Variants in XG observed in about 807,000 individuals in gnomAD.
XG encodes the protein glycoprotein Xg.
In XG, 24 loss-of-function variants were observed where a neutral mutation model predicts 25.7. The ratio of observed to expected loss-of-function variants is 0.93; its 90% CI spans 0.68 to 1.31. The LOEUF is 1.31. XG is among the 40% of genes most tolerant of loss of function. The pLI, the probability that XG is intolerant of heterozygous loss-of-function variation, is 0.00. For missense variants in XG, 181 were observed against 187.6 expected, an observed-to-expected ratio of 0.96 and a Z score of 0.21; for synonymous variants, 77 against 69.2, an observed-to-expected ratio of 1.11 and a Z score of -0.56.
chrX:2,770,419 T>A, intron 1 of XG, 131 bp from the exon 2 acceptor site: 1 of 901,732 alleles, frequency 1.1e-6, no homozygotes, highest in East Asian at 2.4e-5. Context: ...ATGTAGCTCA[T>A]GGTCAGGTTA....
intron 4 of XG, among the ~76,000 whole-genome samples, chrX:2,787,888 CA>C (rs1254002807): frequency 1.6e-4 from 13 of 81,338 alleles, no homozygotes; most frequent in African/African-American, 5.7e-4. Flanking sequence ...GCCTGGGCAA[CA>C]ACAGCAAAAC....
intron 10 of XG, among the ~76,000 whole-genome samples, chrX:2,812,657 C>T (rs2087069589): frequency 8.9e-6 from 1 of 111,830 alleles, no homozygotes; most frequent in Non-Finnish European, 1.9e-5. Flanking sequence ...TGGGGTGAGC[C>T]TCCGTCTACA....
chrX:2,759,680 A>G (rs2050519540), intron 1 of XG, among the ~76,000 whole-genome samples: 2 of 152,278 alleles, frequency 1.3e-5, no homozygotes, highest in South Asian at 4.1e-4. Context: ...AGTCCAAGAA[A>G]TGTCTCCCCT....
In XG at chrX:2,774,713, C is replaced by G; in HGVS notation, c.104-3C>G. ...TGCATTTATTTTCTCTCTTTGTTCA[C>G]AGAACCCACCAAGAAGCCAAACTCA... On this transcript the variant is annotated splice_polypyrimidine_tract_variant and splice_region_variant and intron_variant, in intron 2 of 10. Coordinates refer to ENST00000644266, the MANE Select transcript of XG (RefSeq NM_001141919.2). 1 of 1,613,852 alleles carries G rather than the reference C, an allele frequency of 6.2e-7. No homozygotes were observed. The highest frequency in any genetic ancestry group is 8.5e-7 in the Non-Finnish European group (1 of 1,179,842).
At chrX:2,776,699 T>A (rs1157629258) in intron 3 of XG, among the ~76,000 whole-genome samples, 4 of 151,974 alleles carry the variant, frequency 2.6e-5, no homozygotes, top group African/African-American at 7.3e-5. Context: ...ACAAAAAAAA[T>A]TTGCCAGGCA....
At chrX:2,755,635 C>T (rs1306127076) in intron 1 of XG, among the ~76,000 whole-genome samples, 1 of 152,148 alleles carries the variant, frequency 6.6e-6, no homozygotes, top group African/African-American at 2.4e-5. Flanking sequence ...GCTCTGGTTC[C>T]AGTGCCTCTG....
intron 1 of XG, among the ~76,000 whole-genome samples, chrX:2,762,549 C>T (rs2050588329): frequency 6.6e-6 from 1 of 152,016 alleles, no homozygotes; most frequent in East Asian, 1.9e-4. Context: ...GGAGGAGACT[C>T]CAGCTGTGTT....
chrX:2,758,725 C>T (rs1414654891), intron 1 of XG, among the ~76,000 whole-genome samples: 1 of 152,184 alleles, frequency 6.6e-6, no homozygotes, highest in South Asian at 2.1e-4. Flanking sequence ...TGGTCAACAC[C>T]CTGCAGTGCA....
chrX:2,787,612 A>G (rs1473005697), intron 4 of XG, among the ~76,000 whole-genome samples: 2 of 111,497 alleles, frequency 1.8e-5, no homozygotes, highest in African/African-American at 6.5e-5. Flanking sequence ...TAGAGACCTC[A>G]AAAGAGAGTC....
At chrX:2,773,420 AGGGGAGGAAGGAAGAAAGGAGGGT>A (rs922942017) in intron 2 of XG, among the ~76,000 whole-genome samples, 2 of 132,704 alleles carry the variant, frequency 1.5e-5, no homozygotes, top group African/African-American at 2.8e-5. Flanking sequence ...GAAAGGTTGG[AGGGGAGGAAGGAAGAAAGGAGGGT>A]GGGGAGGAAG....
intron 3 of XG, among the ~76,000 whole-genome samples, chrX:2,781,334 A>C: frequency 6.6e-6 from 1 of 151,602 alleles, no homozygotes; most frequent in African/African-American, 2.4e-5. Flanking sequence ...GCTTTGAAGG[A>C]ACTCTGCAAA....
chrX:2,802,505 C>G (rs755704209), intron 7 of XG, among the ~76,000 whole-genome samples: 3 of 111,340 alleles, frequency 2.7e-5, no homozygotes, highest in Non-Finnish European at 5.6e-5. Context: ...AATTTGGACA[C>G]TGGGCTTTTT....
At chrX:2,782,267 C>A in intron 4 of XG, 139 bp downstream of exon 4, 2 of 699,521 alleles carry the variant, frequency 2.9e-6, no homozygotes, top group Non-Finnish European at 4.3e-6. Context: ...TTTCTTTCCT[C>A]ACTGGGGGGA....
At chrX:2,766,812 G>A (rs1403322644) in intron 1 of XG, among the ~76,000 whole-genome samples, 1 of 149,410 alleles carries the variant, frequency 6.7e-6, no homozygotes. Flanking sequence ...TGATCCGCCT[G>A]CCTCGGCCTC....
At chrX:2,766,475 G>A (rs1357601329) in intron 1 of XG, among the ~76,000 whole-genome samples, 5 of 134,790 alleles carry the variant, frequency 3.7e-5, no homozygotes, top group African/African-American at 1.2e-4. Flanking sequence ...CCTTCCTTCC[G>A]GGTATGGGGC....
intron 7 of XG, among the ~76,000 whole-genome samples, chrX:2,801,999 G>A (rs896828386): frequency 5.4e-5 from 6 of 110,727 alleles, no homozygotes; most frequent in Admixed American, 2.9e-4. Context: ...GAGCCACCGC[G>A]CCCGGCCACA....
At chrX:2,810,626 A>G (rs1211183268) in intron 9 of XG, among the ~76,000 whole-genome samples, 2 of 111,148 alleles carry the variant, frequency 1.8e-5, no homozygotes, top group Admixed American at 1.9e-4. Context: ...CTCTAAAAAA[A>G]TAAATCAGGC....
At chrX:2,753,594 T>C (rs73630855) in intron 1 of XG, among the ~76,000 whole-genome samples, 2,096 of 152,200 alleles carry the variant, frequency 0.014, 38 homozygotes, top group African/African-American at 0.046. Context: ...TTTTTTTTTT[T>C]TGAGATGTCG....
intron 1 of XG, among the ~76,000 whole-genome samples, chrX:2,763,073 G>A (rs1339202060): frequency 6.6e-6 from 1 of 152,164 alleles, no homozygotes; most frequent in Non-Finnish European, 1.5e-5. Flanking sequence ...CAGTGTAGTG[G>A]TGCAATCTTG....
Sources: allele counts gnomAD v4.1 joint callset (sites outside exome capture counted in the v4.1 genomes callset), GRCh38; gene constraint gnomAD v4.1.1; transcripts MANE v1.5; gene names NCBI Gene and HGNC (gene_info 2026-07-23, HGNC 2026-07-21).